MUC12: variants seen among roughly 807,000 people sequenced by gnomAD.
MUC12 encodes mucin 12, cell surface associated.
In MUC12, 172 loss-of-function variants were observed where a neutral mutation model predicts 230.8. The observed-to-expected ratio is 0.75, with a 90% CI of 0.66 to 0.85. The LOEUF is 0.85. Ranked by LOEUF, MUC12 falls within the 40% of genes least tolerant of loss-of-function variation. The pLI is 0.00. For synonymous variants in MUC12, 1,259 were observed against 2,401.9 expected, an observed-to-expected ratio of 0.52 and a Z score of 13.91; for missense variants, 3,506 against 5,920.6, an observed-to-expected ratio of 0.59 and a Z score of 13.38.
chr7:100,987,802 A>G (rs1793217130), intron 1 of MUC12, among the ~76,000 whole-genome samples: 1 of 151,592 alleles, frequency 6.6e-6, no homozygotes, highest in Non-Finnish European at 1.5e-5. Context: ...GAGAAACCCC[A>G]CCTCTACTAA....
At chr7:100,989,629 T>C (rs957417773) in intron 1 of MUC12, among the ~76,000 whole-genome samples, 1 of 152,016 alleles carries the variant, frequency 6.6e-6, no homozygotes, top group Non-Finnish European at 1.5e-5. Context: ...GACAGAGGCA[T>C]ATAAGTACAG....
chr7:100,991,875 A>G lies in MUC12; in HGVS notation c.1312A>G (p.Lys438Glu), dbSNP rs1251213935. The change falls in exon 2 of 12, where the codon AAA (lysine) becomes GAA (glutamate). Residue 438 changes from lysine (K) to glutamate (E), a missense_variant. Lys to Glu is a moderately conservative substitution (Grantham distance 56, BLOSUM62 1). Transcript: ENST00000536621. Reference sequence around the variant, plus strand: ...AATCTCAGGCCGTAGTGAGGAATCAAAAGCATCCCACAGCAGCCCAGATGC... The same window carrying G: ...AATCTCAGGCCGTAGTGAGGAATCAGAAGCATCCCACAGCAGCCCAGATGC... ...STISGRSEES[K>E]ASHSSPDAMA... 13 of 1,537,698 alleles carry G rather than the reference A, an allele frequency of 8.5e-6. No homozygotes were observed. The East Asian group carries it at 2.7e-4, about 32-fold the overall frequency.
Position 101,005,058 on chromosome 7 carries a change from C to T in MUC12, c.14495C>T (p.Ala4832Val), listed in dbSNP as rs375175014. The T allele has an allele frequency of 8.1e-5, 125 of 1,537,912 alleles. 2 individuals are homozygous for T. The African/African-American group carries it at 1.5e-3, about 18-fold the overall frequency. The stretch of plus-strand genomic sequence containing the variant: ...ACCCCTCATAGCCAACCAGGCTCAG[C>T]TCTGTCAACAGTGTCACCTGCCAGC... The part of the protein sequence containing the change: ...FTTPHSQPGS[A>V]LSTVSPASTT... Residue 4832 changes from alanine to valine, a missense_variant, in exon 2 of 12, where the codon GCT becomes GTT. Ala to Val is a moderately conservative substitution (Grantham distance 64). Coordinates refer to ENST00000536621, the MANE Select transcript of MUC12 (RefSeq NM_001164462.2).
rs1283441345 is a variant in MUC12, at chr7:101,004,295, C to T, written c.13732C>T (p.His4578Tyr). Residue 4578 changes from histidine (H) to tyrosine (Y), a missense_variant, in exon 2 of 12, where the codon CAC becomes TAC. Coordinates refer to ENST00000536621, the MANE Select transcript of MUC12 (RefSeq NM_001164462.2). ...CCGTAGTGAGGAATCGACAACAGTC[C>T]ACAGCAGCCCAGTTGCAACTGCAAC... ...LGRSEESTTVHSSPVATATTP... is the reference protein window; with the variant it reads ...LGRSEESTTVYSSPVATATTP... The T allele has an allele frequency of 1.8e-5, 17 of 969,132 alleles. 1 individual carries two copies. In the Admixed American group the frequency reaches 4.3e-4, roughly 24 times the overall value. The allele number at this position is 969,132 out of a possible 1,614,324, so 60.0% of individuals were successfully genotyped here.
intron 1 of MUC12, among the ~76,000 whole-genome samples, chr7:100,979,562 G>A (rs1375525358): frequency 2.6e-5 from 4 of 152,006 alleles, no homozygotes; most frequent in African/African-American, 9.7e-5. Context: ...CAGGCAGATC[G>A]CGAGGTCAAG....
At position 100,992,596 on chromosome 7, in the gene MUC12, C is replaced by T; in HGVS notation, c.2033C>T (p.Thr678Ile). ...IPTTHISARS[T>I]TSGLVEESTT... ...ACAACCCACATTTCTGCCCGCTCCA[C>T]AACCTCAGGCCTCGTTGAAGAATCT... The change falls in exon 2 of 12, where the codon ACA (threonine) becomes ATA (isoleucine). Residue 678 changes from threonine to isoleucine, a missense_variant. Coordinates refer to ENST00000536621, the MANE Select transcript of MUC12 (RefSeq NM_001164462.2). 2 of 1,537,900 alleles carry T rather than the reference C, an allele frequency of 1.3e-6. No individual in the cohort carries two copies. Among genetic ancestry groups the T allele is most frequent in the Non-Finnish European group, 1.7e-6 (2 of 1,147,004 alleles).
intron 1 of MUC12, among the ~76,000 whole-genome samples, chr7:100,975,529 A>G (rs1023931207): frequency 1.3e-5 from 2 of 152,308 alleles, no homozygotes; most frequent in Non-Finnish European, 1.5e-5. Context: ...TTCAGCAAAC[A>G]CCAAAGGCTG....
At chr7:101,009,280 GC>G in intron 5 of MUC12, 121 bp downstream of exon 5, 2 of 980,004 alleles carry the variant, frequency 2.0e-6, no homozygotes, top group Non-Finnish European at 3.1e-6. Flanking sequence ...GAGTCCTGCA[GC>G]CGCTAGGGAA....
chr7:100,985,750 G>C (rs1241605947), intron 1 of MUC12, among the ~76,000 whole-genome samples: 2 of 152,194 alleles, frequency 1.3e-5, no homozygotes, highest in Non-Finnish European at 2.9e-5. Context: ...ACGAGACACA[G>C]AGGAGGTTCT....
In MUC12 at chr7:101,012,349, T is replaced by C; in HGVS notation, c.15305T>C (p.Leu5102Ser). The C allele has an allele frequency of 6.5e-7, 1 of 1,537,502 alleles. No individual in the cohort carries two copies. Among genetic ancestry groups the C allele is most frequent in the South Asian group, 1.2e-5 (1 of 84,058 alleles). The stretch of plus-strand genomic sequence containing the variant: ...GTCATCCTGGAGGCAGACTACACTT[T>C]AGAGTATGAGGAACTGTTTGAAAAC... The part of the protein sequence containing the change: ...NDVILEADYT[L>S]EYEELFENLA... The change falls in exon 6 of 12, where the codon TTA becomes TCA. Residue 5102 changes from leucine to serine, a missense_variant. Physicochemically the swap from Leu to Ser is moderately radical, Grantham distance 145. Coordinates refer to ENST00000536621, the MANE Select transcript of MUC12 (RefSeq NM_001164462.2).
At position 100,996,527 on chromosome 7, in the gene MUC12, G is replaced by A. The variant is rs1793493093; in HGVS notation, c.5964G>A (p.Gln1988=). 6.5e-7 allele frequency: 1 copy of A among 1,537,778 alleles called. No individual in the cohort carries two copies. The highest frequency in any genetic ancestry group is 1.4e-5 in the African/African-American group (1 of 73,062). Reference sequence around the variant, plus strand: ...GCACCACCACCTCAGGCCCCAGTCAGGAATCAACAACTTCCCACAGCAGCC... The same window carrying A: ...GCACCACCACCTCAGGCCCCAGTCAAGAATCAACAACTTCCCACAGCAGCC... The part of the protein sequence containing the change: ...PASTTTSGPS[Q]ESTTSHSSPG... The change falls in exon 2 of 12, where the codon CAG becomes CAA. Residue 1988 remains glutamine, a synonymous_variant. Coordinates refer to ENST00000536621, the MANE Select transcript of MUC12 (RefSeq NM_001164462.2).
At chr7:101,018,415 C>T in intron 11 of MUC12, among the ~76,000 whole-genome samples, 180 bp from the exon 12 acceptor site, 1 of 105,484 alleles carries the variant, frequency 9.5e-6, no homozygotes, top group Admixed American at 8.9e-5. Context: ...GCCACCCCTT[C>T]CCCTGGGACT....
chr7:100,972,098 C>G, intron 1 of MUC12: 1 of 550,840 alleles, frequency 1.8e-6, no homozygotes, highest in South Asian at 1.6e-5. Flanking sequence ...ATCCAGAGAC[C>G]CCCTGCCCTC....
intron 6 of MUC12, 79 bp from the exon 7 acceptor site, chr7:101,012,740 A>G: frequency 6.9e-7 from 1 of 1,454,782 alleles, no homozygotes; most frequent in Non-Finnish European, 9.3e-7. Flanking sequence ...CATGGTATAG[A>G]AGAGAGAGGC....
Position 100,990,692 on chromosome 7 carries a change from C to G in MUC12, c.129C>G (p.Ser43Arg). 2.0e-6 allele frequency: 3 copies of G among 1,537,852 alleles called. No individual in the cohort carries two copies. The highest frequency in any genetic ancestry group is 2.6e-6 in the Non-Finnish European group (3 of 1,147,034). ...NTTSASTPSS[S>R]DPFTTFSDYG... ...CTTCTGCATCCACACCCAGTTCAAG[C>G]GACCCTTTTACCACCTTTAGTGACT... The change falls in exon 2 of 12, where the codon AGC (serine) becomes AGG (arginine). Residue 43 changes from serine to arginine, a missense_variant. Transcript: ENST00000536621.
At chr7:101,014,911 T>C (rs1351366287) in intron 9 of MUC12, among the ~76,000 whole-genome samples, 2 of 152,058 alleles carry the variant, frequency 1.3e-5, no homozygotes, top group African/African-American at 4.8e-5. Flanking sequence ...GCCTACAAAG[T>C]TGTTGGGATT....
chr7:100,977,891 G>A (rs765358391), intron 1 of MUC12, among the ~76,000 whole-genome samples: 17 of 152,140 alleles, frequency 1.1e-4, no homozygotes, highest in East Asian at 7.7e-4. Context: ...TCCTGTTGAC[G>A]CCTGGTGTTC....
At chr7:100,990,604 C>T in intron 1 of MUC12, 27 bp from the exon 2 acceptor site, 2 of 1,537,158 alleles carry the variant, frequency 1.3e-6, no homozygotes, top group Non-Finnish European at 1.7e-6. Flanking sequence ...AATCATAGCA[C>T]TTTCTCTGGT....
At chr7:100,981,835 C>T (rs1044597043) in intron 1 of MUC12, among the ~76,000 whole-genome samples, 7 of 151,512 alleles carry the variant, frequency 4.6e-5, no homozygotes, top group Non-Finnish European at 8.8e-5. Flanking sequence ...TGCCCCTTCT[C>T]CTTGTGGCTT....
Sources: allele counts gnomAD v4.1 joint callset (sites outside exome capture counted in the v4.1 genomes callset), GRCh38; gene constraint gnomAD v4.1.1; transcripts MANE v1.5; gene names NCBI Gene and HGNC (gene_info 2026-07-23, HGNC 2026-07-21).